SLC1A2: variants seen among roughly 807,000 people sequenced by gnomAD.
SLC1A2 encodes the protein excitatory amino acid transporter 2.
SLC1A2 carries 15 observed loss-of-function variants against 48.8 expected under a neutral mutation model. That is an observed-to-expected ratio of 0.31 (90% CI 0.21 to 0.47). SLC1A2 has a LOEUF of 0.47. SLC1A2 is among the 20% of genes least tolerant of loss of function. The pLI, the probability that SLC1A2 is intolerant of heterozygous loss-of-function variation, is 0.99. For synonymous variants in SLC1A2, 279 were observed against 272.6 expected, an observed-to-expected ratio of 1.02 and a Z score of -0.23; for missense variants, 502 against 730.5, an observed-to-expected ratio of 0.69 and a Z score of 3.61.
chr11:35,378,178 G>A (rs11033105), intron 1 of SLC1A2, among the ~76,000 whole-genome samples: 67,377 of 152,138 alleles, frequency 0.44, 16,273 homozygotes, highest in East Asian at 0.73. Context: ...AATTCTGAAC[G>A]GGAAAAGCAA....
intron 1 of SLC1A2, chr11:35,360,175 G>T: frequency 1.4e-6 from 1 of 701,320 alleles, no homozygotes; most frequent in Non-Finnish European, 1.8e-6. Context: ...CCAGTGTTTT[G>T]ATGACAAAGA....
chr11:35,381,038 A>AT (rs1665823446), intron 1 of SLC1A2, among the ~76,000 whole-genome samples: 2 of 152,256 alleles, frequency 1.3e-5, no homozygotes, highest in Non-Finnish European at 2.9e-5. Context: ...GAGCTCAGGT[A>AT]TAAGTTACTC....
intron 1 of SLC1A2, among the ~76,000 whole-genome samples, chr11:35,356,304 G>A (rs977189749): frequency 6.6e-6 from 1 of 152,212 alleles, no homozygotes; most frequent in Non-Finnish European, 1.5e-5. Context: ...GATGTTATGG[G>A]CAGGTGTGTG....
chr11:35,301,781 A>G (rs529651079), intron 5 of SLC1A2, 136 bp from the exon 6 acceptor site: 1 of 789,906 alleles, frequency 1.3e-6, no homozygotes, highest in South Asian at 1.9e-5. Context: ...TTAAAAGAAC[A>G]AAGCATTATA....
chr11:35,396,535 TC>T (rs1854963997), intron 1 of SLC1A2, among the ~76,000 whole-genome samples: 1 of 150,230 alleles, frequency 6.7e-6, no homozygotes, highest in Non-Finnish European at 1.5e-5. Context: ...TTTGTTTTTT[TC>T]TTGTAAATTT....
At chr11:35,282,184 G>A (rs1392842365) in intron 8 of SLC1A2, among the ~76,000 whole-genome samples, 2 of 151,972 alleles carry the variant, frequency 1.3e-5, no homozygotes, top group African/African-American at 4.8e-5. Context: ...GTGATCTACA[G>A]ACCCCCCAAC....
At chr11:35,346,765 G>A (rs1760485336) in intron 1 of SLC1A2, among the ~76,000 whole-genome samples, 1 of 152,282 alleles carries the variant, frequency 6.6e-6, no homozygotes, top group Non-Finnish European at 1.5e-5. Context: ...TGAAATGACA[G>A]TGAAGCGGAG....
chr11:35,376,068 AG>A (rs1355440457), intron 1 of SLC1A2, among the ~76,000 whole-genome samples: 3 of 152,214 alleles, frequency 2.0e-5, no homozygotes, highest in Admixed American at 6.5e-5. Flanking sequence ...ACAATCTATT[AG>A]GCTTAAAAAC....
rs527604582 is a variant in SLC1A2 at position 35,253,202 on chromosome 11, G to A, written c.*7692C>T. 1 of 152,234 alleles carries A rather than the reference G, an allele frequency of 6.6e-6. No homozygotes were observed. Among genetic ancestry groups the A allele is most frequent in the East Asian group, 1.9e-4 (1 of 5,178 alleles). The allele number at this position is 152,234 out of a possible 1,614,324, so 9.4% of individuals were successfully genotyped here. A position where few individuals can be genotyped will look rare whatever the true frequency, so the allele number is the denominator to read the frequency against. On this transcript the variant is annotated 3_prime_UTR_variant, in exon 11 of 11. Coordinates refer to ENST00000278379, the MANE Select transcript of SLC1A2 (RefSeq NM_004171.4). ...TTAAACAATTTCAGTATGATTCTAA[G>A]CCCCCACTCCCAGCCCCCAGTGATA...
At chr11:35,380,941 T>A (rs955261638) in intron 1 of SLC1A2, among the ~76,000 whole-genome samples, 6 of 152,108 alleles carry the variant, frequency 3.9e-5, no homozygotes, top group African/African-American at 1.2e-4. Flanking sequence ...CTGACAAAAT[T>A]ACACGTAGTG....
rs542407030 is a variant in SLC1A2 at position 35,282,194 on chromosome 11, C to T, written c.1287-1193G>A. Reference sequence around the variant, plus strand: ...TGGGTGTGATCTACAGACCCCCCAACCACACCCTTCCCCTCCCCGTCCATG... The same window carrying T: ...TGGGTGTGATCTACAGACCCCCCAATCACACCCTTCCCCTCCCCGTCCATG... On this transcript the variant is annotated intron_variant, in intron 8 of 10. Transcript: ENST00000278379. 2.0e-5 allele frequency among the ~76,000 whole-genome samples: 3 copies of T among 152,238 alleles called. No homozygotes were observed. In the East Asian group the frequency reaches 5.8e-4, roughly 29 times the overall value.
intron 1 of SLC1A2, among the ~76,000 whole-genome samples, chr11:35,336,258 C>T (rs545843732): frequency 8.5e-5 from 13 of 152,200 alleles, no homozygotes; most frequent in Middle Eastern, 6.8e-3. Context: ...TGCAACAAAC[C>T]GCTATGGCAC....
At chr11:35,357,640 T>C (rs1853528075) in intron 1 of SLC1A2, among the ~76,000 whole-genome samples, 1 of 152,044 alleles carries the variant, frequency 6.6e-6, no homozygotes, top group South Asian at 2.1e-4. Flanking sequence ...ACAGCAATAG[T>C]GAAGTATAAC....
rs116570521 is a variant in SLC1A2 at position 35,418,802 on chromosome 11, C to T, written c.17+148G>A. On this transcript the variant is annotated intron_variant, in intron 1 of 10. Transcript: ENST00000278379. ...TCCAGGAAAGAAAATCAATCCCCTC[C>T]CCACCATCCCATCCCCAGCCAAGCT... The T allele has an allele frequency of 5.2e-4, 344 of 667,326 alleles. 1 individual carries two copies. In the African/African-American group the frequency reaches 5.7e-3, roughly 11 times the overall value. The allele number at this position is 667,326 out of a possible 1,614,324, so 41.3% of individuals were successfully genotyped here. A position where few individuals can be genotyped will look rare whatever the true frequency, so the allele number is the denominator to read the frequency against.
chr11:35,338,852 A>G (rs531464837), intron 1 of SLC1A2, among the ~76,000 whole-genome samples: 1 of 152,230 alleles, frequency 6.6e-6, no homozygotes, highest in African/African-American at 2.4e-5. Context: ...CCACTAAGAT[A>G]CACCTGATCA....
chr11:35,256,641 C>T lies in SLC1A2; in HGVS notation c.*4253G>A, dbSNP rs1485201693. On this transcript the variant is annotated 3_prime_UTR_variant, in exon 11 of 11. Coordinates refer to ENST00000278379, the MANE Select transcript of SLC1A2 (RefSeq NM_004171.4). Reference sequence around the variant, plus strand: ...TTTTTTTAACTTAGTCTTCTTCTGCCTCCAGACTCTAGCATTCTTATTCAA... The same window carrying T: ...TTTTTTTAACTTAGTCTTCTTCTGCTTCCAGACTCTAGCATTCTTATTCAA... The T allele has an allele frequency of 6.6e-6, 1 of 151,936 alleles. No individual in the cohort carries two copies. The highest frequency in any genetic ancestry group is 1.5e-5 in the Non-Finnish European group (1 of 67,986). The allele number at this position is 151,936 out of a possible 1,614,324, so 9.4% of individuals were successfully genotyped here.
intron 6 of SLC1A2, among the ~76,000 whole-genome samples, chr11:35,294,118 A>T (rs180915278): frequency 1.3e-5 from 2 of 152,214 alleles, no homozygotes; most frequent in African/African-American, 4.8e-5. Flanking sequence ...CTCATCACTC[A>T]TGCTTAGTAA....
chr11:35,265,817 G>T, intron 9 of SLC1A2, 59 bp from the exon 10 acceptor site: 1 of 1,086,698 alleles, frequency 9.2e-7, no homozygotes, highest in Non-Finnish European at 1.4e-6. Flanking sequence ...GTAGTTGAGA[G>T]GTCAAGGTCT....
chr11:35,343,746 GAAT>G (rs145529643), intron 1 of SLC1A2, among the ~76,000 whole-genome samples: 143 of 151,506 alleles, frequency 9.4e-4, no homozygotes, highest in African/African-American at 1.3e-3. Context: ...CTGTGCACCA[GAAT>G]AATAATAATA....
Sources: gnomAD v4.1 joint callset for allele counts (sites outside exome capture counted in the v4.1 genomes callset) on GRCh38, gnomAD v4.1.1 for gene constraint, MANE v1.5 for transcripts, NCBI Gene and HGNC (gene_info 2026-07-23, HGNC 2026-07-21) for gene names.